The following GRM8 variants were observed in gnomAD, a reference collection of about 807,000 sequenced individuals.
GRM8 encodes the protein metabotropic glutamate receptor 8.
In GRM8, 47 loss-of-function variants were observed where a neutral mutation model predicts 87.2. The ratio of observed to expected loss-of-function variants is 0.54; its 90% confidence interval spans 0.43 to 0.69. The LOEUF (loss-of-function observed/expected upper bound fraction) is 0.69. Ranked by LOEUF, GRM8 falls within the 30% of genes least tolerant of loss-of-function variation. The probability of loss-of-function intolerance (pLI) is 0.00; values close to 1 mark genes in which losing one functional copy is unlikely to be tolerated. For synonymous variants in GRM8, 396 were observed against 404.5 expected, an observed-to-expected ratio of 0.98 and a Z score of 0.25; for missense variants, 1,019 against 1,139.2, an observed-to-expected ratio of 0.89 and a Z score of 1.52.
chr7:126,870,618 C>G, intron 6 of GRM8: 1 of 152,118 alleles, frequency 6.6e-6, no homozygotes, highest in East Asian at 1.9e-4. Flanking sequence ...AATGGGGGAA[C>G]AGCAGGTTGC....
chr7:127,210,289 C>T (rs2116624966), intron 2 of GRM8, among the ~76,000 whole-genome samples: 1 of 152,288 alleles, frequency 6.6e-6, no homozygotes, highest in African/African-American at 2.4e-5. Flanking sequence ...CCACACCACA[C>T]CAGTAAACAG....
chr7:126,667,013 C>G (rs28406066), intron 7 of GRM8, among the ~76,000 whole-genome samples: 90 of 152,152 alleles, frequency 5.9e-4, no homozygotes, highest in African/African-American at 2.1e-3. Context: ...TATAGCTGGT[C>G]TCAAGGTTTG....
intron 2 of GRM8, among the ~76,000 whole-genome samples, chr7:127,203,748 A>C (rs1795746292): frequency 6.6e-6 from 1 of 151,824 alleles, no homozygotes; most frequent in African/African-American, 2.4e-5. Context: ...GAAAAAAATA[A>C]GAACCAACTG....
rs1003505269 is a variant in GRM8, at chr7:126,560,315, T to C, written c.1495-26428A>G. On this transcript the variant is annotated intron_variant, in intron 8 of 10. Transcript: ENST00000339582. Reference sequence around the variant, plus strand: ...TGGCTTATAAAACCTATGAATAACATTGATTTATGTAATGGAAACTCAGAA... The same window carrying C: ...TGGCTTATAAAACCTATGAATAACACTGATTTATGTAATGGAAACTCAGAA... Among the ~76,000 whole-genome samples the C allele has an allele frequency of 2.7e-4, 41 of 152,294 alleles. 1 individual carries two copies. The highest frequency in any genetic ancestry group is 2.0e-3 in the Admixed American group (30 of 15,292).
At chr7:127,073,698 C>G (rs1821957931) in intron 3 of GRM8, among the ~76,000 whole-genome samples, 1 of 152,122 alleles carries the variant, frequency 6.6e-6, no homozygotes, top group Admixed American at 6.6e-5. Flanking sequence ...GTTTTAGGAG[C>G]CACTCAGGTT....
chr7:126,828,123 A>G (rs1242327053), intron 6 of GRM8, among the ~76,000 whole-genome samples: 1 of 152,062 alleles, frequency 6.6e-6, no homozygotes, highest in Non-Finnish European at 1.5e-5. Context: ...CCAGTATTTT[A>G]TTGAGGATTT....
chr7:126,493,455 G>A (rs1485922551), intron 9 of GRM8, among the ~76,000 whole-genome samples: 1 of 152,028 alleles, frequency 6.6e-6, no homozygotes, highest in African/African-American at 2.4e-5. Context: ...TGTACCAAAA[G>A]ATTAATAGGG....
intron 6 of GRM8, chr7:126,868,664 A>G (rs1798818031): frequency 6.6e-6 from 1 of 152,266 alleles, no homozygotes; most frequent in Non-Finnish European, 1.5e-5. Flanking sequence ...CAGTATGCAT[A>G]CAAGTTACGT....
chr7:126,989,665 G>A (rs1812442848), intron 3 of GRM8, among the ~76,000 whole-genome samples: 1 of 152,190 alleles, frequency 6.6e-6, no homozygotes, highest in African/African-American at 2.4e-5. Context: ...CTGGGGGCTG[G>A]GCACGGTGGC....
intron 6 of GRM8, among the ~76,000 whole-genome samples, chr7:126,842,738 G>A (rs1360425033): frequency 6.6e-6 from 1 of 152,158 alleles, no homozygotes; most frequent in Admixed American, 6.5e-5. Context: ...GATAGAAGGT[G>A]TCCATAAGCC....
chr7:127,241,122 A>C (rs1798266674), intron 2 of GRM8, among the ~76,000 whole-genome samples: 1 of 152,180 alleles, frequency 6.6e-6, no homozygotes. Flanking sequence ...TATTTGAGAA[A>C]ATTTCATCTA....
intron 7 of GRM8, among the ~76,000 whole-genome samples, chr7:126,697,636 T>C (rs377550899): frequency 6.6e-6 from 1 of 152,110 alleles, no homozygotes; most frequent in South Asian, 2.1e-4. Flanking sequence ...TTTATAACAT[T>C]TACTCACATC....
At chr7:126,555,784 C>T (rs1391771280) in intron 8 of GRM8, among the ~76,000 whole-genome samples, 1 of 152,120 alleles carries the variant, frequency 6.6e-6, no homozygotes, top group Non-Finnish European at 1.5e-5. Context: ...TTTATTCTTC[C>T]TAAAATATGT....
intron 3 of GRM8, among the ~76,000 whole-genome samples, chr7:126,970,302 T>C (rs1810286853): frequency 1.3e-5 from 2 of 152,186 alleles, no homozygotes; most frequent in South Asian, 4.1e-4. Flanking sequence ...GGCTGCTTTG[T>C]CTACATTGAA....
At chr7:126,764,812 T>C (rs1046310350) in intron 7 of GRM8, among the ~76,000 whole-genome samples, 3 of 152,066 alleles carry the variant, frequency 2.0e-5, no homozygotes, top group Non-Finnish European at 4.4e-5. Flanking sequence ...GACTCTTCTC[T>C]CCAATTATCA....
intron 6 of GRM8, among the ~76,000 whole-genome samples, chr7:126,898,221 C>T (rs1235559812): frequency 6.6e-6 from 1 of 152,126 alleles, no homozygotes; most frequent in African/African-American, 2.4e-5. Context: ...CATTTTAAAG[C>T]ACTTTGCAAA....
chr7:126,627,906 A>C (rs1647631530), intron 7 of GRM8, among the ~76,000 whole-genome samples: 1 of 152,138 alleles, frequency 6.6e-6, no homozygotes, highest in Non-Finnish European at 1.5e-5. Flanking sequence ...CGATCTGCTA[A>C]TGTTTTGTTT....
At chr7:126,811,139 T>A (rs1047790705) in intron 6 of GRM8, among the ~76,000 whole-genome samples, 3 of 152,150 alleles carry the variant, frequency 2.0e-5, no homozygotes, top group African/African-American at 7.2e-5. Flanking sequence ...TCATTCCCAA[T>A]GTATGTTCTT....
In GRM8 at chr7:127,015,068, A is replaced by AAGAAG. The variant is rs367718694; in HGVS notation, c.727+91427_727+91428insCTTCT. On this transcript the variant is annotated intron_variant, in intron 3 of 10. Transcript: ENST00000339582. ...GAAGAAGAAGAAGAAGAAGAAGAAG[A>AAGAAG]AAGAAAGAAGGAGAAGAAGGAGAAG... 1.2e-4 allele frequency among the ~76,000 whole-genome samples: 11 copies of AAGAAG among 93,308 alleles called. 1 individual carries two copies. Among genetic ancestry groups the AAGAAG allele is most frequent in the South Asian group, 3.7e-4 (1 of 2,688 alleles). 61.2% of individuals were successfully genotyped at this position (93,308 alleles called of 152,430 possible). A position where few individuals can be genotyped will look rare whatever the true frequency, so the allele number is the denominator to read the frequency against.
Sources: allele counts gnomAD v4.1 joint callset (sites outside exome capture counted in the v4.1 genomes callset), GRCh38; gene constraint gnomAD v4.1.1; transcripts MANE v1.5; gene names NCBI Gene and HGNC (gene_info 2026-07-23, HGNC 2026-07-21).